SLC4A7: variants seen among roughly 807,000 people sequenced by gnomAD.
SLC4A7 encodes the protein sodium bicarbonate cotransporter 3.
A neutral mutation model predicts 137.6 loss-of-function variants in SLC4A7; 51 were observed. That is an observed-to-expected ratio of 0.37 (90% CI 0.30 to 0.47). The LOEUF is 0.47. Among genes scored for constraint, SLC4A7 ranks in the 20% least tolerant of loss-of-function variants. The pLI, the probability that SLC4A7 is intolerant of heterozygous loss-of-function variation, is 1.00. For synonymous variants in SLC4A7, 542 were observed against 518.6 expected (o/e 1.05, Z -0.61); for missense variants, 1,247 against 1,525.4 (o/e 0.82, Z 3.04).
At chr3:27,385,677 G>T (rs143741471) in intron 23 of SLC4A7, among the ~76,000 whole-genome samples, 1 of 152,084 alleles carries the variant, frequency 6.6e-6, no homozygotes, top group Non-Finnish European at 1.5e-5. Context: ...CAGTGAAATG[G>T]TGAAGAGACT....
chr3:27,408,977 A>G (rs2150201131), intron 13 of SLC4A7, among the ~76,000 whole-genome samples: 1 of 152,292 alleles, frequency 6.6e-6, no homozygotes, highest in Admixed American at 6.5e-5. Context: ...TAATCCTATG[A>G]TACCTTACAG....
chr3:27,414,153 G>A (rs919422851), intron 11 of SLC4A7, among the ~76,000 whole-genome samples: 4 of 152,090 alleles, frequency 2.6e-5, no homozygotes, highest in Non-Finnish European at 5.9e-5. Flanking sequence ...GGTGGTAGGC[G>A]CCTGTAATCC....
chr3:27,424,051 C>T lies in SLC4A7; in HGVS notation c.1252G>A (p.Val418Ile), dbSNP rs774127075. 7.6e-6 allele frequency: 12 copies of T among 1,571,518 alleles called. No individual in the cohort carries two copies. The South Asian group carries it at 1.0e-4, about 13-fold the overall frequency. ...GSGGSRENST[V>I]DFSKVDMNFM... ...GATAGAATTACCTTGCTGAAGTCAACAGTACTATTTTCTCTGCTTCCACCA... is the reference window on the plus strand; with the variant it reads ...GATAGAATTACCTTGCTGAAGTCAATAGTACTATTTTCTCTGCTTCCACCA... Residue 418 changes from valine (V) to isoleucine (I), a missense_variant, in exon 8 of 26, where the codon GTT (valine) becomes ATT (isoleucine). Physicochemically the swap from Val to Ile is conservative, Grantham distance 29. Coordinates refer to ENST00000454389, the MANE Select transcript of SLC4A7 (RefSeq NM_001321103.2).
At chr3:27,469,246 C>A (rs582505) in intron 1 of SLC4A7, among the ~76,000 whole-genome samples, 40,141 of 152,164 alleles carry the variant, frequency 0.26, 6,649 homozygotes, top group East Asian at 0.57. Flanking sequence ...TTTCTCCCCA[C>A]GAGCAAGCCA....
chr3:27,440,457 G>A (rs999937167), intron 3 of SLC4A7, among the ~76,000 whole-genome samples: 4 of 152,132 alleles, frequency 2.6e-5, no homozygotes, highest in Non-Finnish European at 4.4e-5. Context: ...GCCAGGTGTG[G>A]TGACTCACAG....
At chr3:27,476,785 A>G (rs2059478157) in intron 1 of SLC4A7, among the ~76,000 whole-genome samples, 1 of 152,228 alleles carries the variant, frequency 6.6e-6, no homozygotes, top group Admixed American at 6.6e-5. Context: ...AGCCTGCAGA[A>G]CTGTGAGTCA....
intron 20 of SLC4A7, among the ~76,000 whole-genome samples, chr3:27,392,825 CAAAAGAA>C (rs1166881640): frequency 7.0e-6 from 1 of 143,530 alleles, no homozygotes; most frequent in Non-Finnish European, 1.5e-5. Flanking sequence ...GACTCTGTCT[CAAAAGAA>C]AAAAGAAAAA....
intron 2 of SLC4A7, among the ~76,000 whole-genome samples, chr3:27,449,182 G>T (rs1163062249): frequency 6.6e-6 from 1 of 151,928 alleles, no homozygotes; most frequent in African/African-American, 2.4e-5. Flanking sequence ...TTACAGGTAT[G>T]AGCCACCGCA....
chr3:27,461,633 A>G (rs2058704061), intron 1 of SLC4A7, among the ~76,000 whole-genome samples: 1 of 151,668 alleles, frequency 6.6e-6, no homozygotes, highest in East Asian at 1.9e-4. Context: ...AGAATAAATA[A>G]AAAGGAAAAA....
At chr3:27,407,822 G>A (rs1269652593) in intron 13 of SLC4A7, among the ~76,000 whole-genome samples, 1 of 151,588 alleles carries the variant, frequency 6.6e-6, no homozygotes. Flanking sequence ...TTCTCTCCCT[G>A]TAAATTATCT....
chr3:27,454,000 A>T (rs1052002965), intron 1 of SLC4A7, among the ~76,000 whole-genome samples: 1 of 152,144 alleles, frequency 6.6e-6, no homozygotes, highest in Non-Finnish European at 1.5e-5. Flanking sequence ...AGACCATGAG[A>T]CAATTTCATA....
chr3:27,413,904 G>C (rs1051994869), intron 11 of SLC4A7, among the ~76,000 whole-genome samples: 1 of 150,056 alleles, frequency 6.7e-6, no homozygotes, highest in African/African-American at 2.4e-5. Flanking sequence ...TTTAGAAAAG[G>C]AGGAATAATA....
intron 11 of SLC4A7, among the ~76,000 whole-genome samples, chr3:27,415,928 G>C (rs528329680): frequency 1.1e-4 from 17 of 152,300 alleles, no homozygotes; most frequent in African/African-American, 3.9e-4. Flanking sequence ...TTTTTACAAT[G>C]ATCCTTACGC....
At chr3:27,425,621 A>G (rs990257600) in intron 7 of SLC4A7, among the ~76,000 whole-genome samples, 1 of 135,558 alleles carries the variant, frequency 7.4e-6, no homozygotes, top group African/African-American at 2.7e-5. Context: ...GGTTGCAGTG[A>G]GCCAAGATTG....
At chr3:27,418,841 AAG>A (rs2054646815) in intron 10 of SLC4A7, among the ~76,000 whole-genome samples, 1 of 152,180 alleles carries the variant, frequency 6.6e-6, no homozygotes, top group African/African-American at 2.4e-5. Context: ...CAAACAATGA[AAG>A]AGAACAGTTA....
intron 11 of SLC4A7, among the ~76,000 whole-genome samples, chr3:27,418,242 C>G (rs995705317): frequency 1.6e-4 from 25 of 152,058 alleles, no homozygotes; most frequent in Non-Finnish European, 2.5e-4. Context: ...ATGCAATACA[C>G]TAACTTTTGG....
At position 27,449,043 on chromosome 3, in the gene SLC4A7, A is replaced by T. The variant is rs185305688; in HGVS notation, c.143-246T>A. ...TGTAAGTATTTGCACATCTAAAAAGATATCTTTTTTTTTGTTTTGTTTTTG... is the reference window on the plus strand; with the variant it reads ...TGTAAGTATTTGCACATCTAAAAAGTTATCTTTTTTTTTGTTTTGTTTTTG... On this transcript the variant is annotated intron_variant, in intron 2 of 25. Coordinates refer to ENST00000454389, the MANE Select transcript of SLC4A7 (RefSeq NM_001321103.2). 2.3e-4 allele frequency among the ~76,000 whole-genome samples: 31 copies of T among 135,986 alleles called. No homozygotes were observed. The East Asian group carries it at 0.01, about 44-fold the overall frequency. 89.2% of individuals were successfully genotyped at this position (135,986 alleles called of 152,430 possible).
chr3:27,418,498 A>G lies in SLC4A7; in HGVS notation c.1647T>C (p.Ser549=), dbSNP rs528917300. ...TCTGGATTCTTACCTGAGAAGGGAC[A>G]CTTTTTGGTGGTTCTATGCGTATAG... ...DPSIRIEPPK[S]VPSQEKRKIP... is the part of the protein sequence containing the mutation. Residue 549 remains serine, a synonymous_variant, in exon 11 of 26, where the codon AGT becomes AGC. Transcript: ENST00000454389. The G allele has an allele frequency of 1.2e-6, 2 of 1,607,594 alleles. No individual in the cohort carries two copies. Among genetic ancestry groups the G allele is most frequent in the African/African-American group, 1.3e-5 (1 of 74,784 alleles).
At chr3:27,399,229 T>C (rs1158801054) in intron 16 of SLC4A7, among the ~76,000 whole-genome samples, 1 of 152,144 alleles carries the variant, frequency 6.6e-6, no homozygotes, top group Non-Finnish European at 1.5e-5. Flanking sequence ...GCTATACCAT[T>C]ACCAGAAAAA....
Sources: gnomAD v4.1 joint callset for allele counts (sites outside exome capture counted in the v4.1 genomes callset) on GRCh38, gnomAD v4.1.1 for gene constraint, MANE v1.5 for transcripts, NCBI Gene and HGNC (gene_info 2026-07-23, HGNC 2026-07-21) for gene names.